The following SLC26A9 variants were observed in gnomAD, a reference collection of about 807,000 sequenced individuals.
SLC26A9 encodes solute carrier family 26 member 9.
A neutral mutation model predicts 87.1 loss-of-function variants in SLC26A9; 46 were observed. The ratio of observed to expected loss-of-function variants is 0.53; its 90% CI spans 0.42 to 0.67. SLC26A9 has a LOEUF of 0.67. Ranked by LOEUF, SLC26A9 falls within the 30% of genes least tolerant of loss-of-function variation. SLC26A9 has a pLI of 0.00. For synonymous variants in SLC26A9, 437 were observed against 409.1 expected, an observed-to-expected ratio of 1.07 and a Z score of -0.82; for missense variants, 927 against 1,018.3, an observed-to-expected ratio of 0.91 and a Z score of 1.22.
intron 20 of SLC26A9, among the ~76,000 whole-genome samples, chr1:205,916,244 G>A (rs1006764127): frequency 1.3e-5 from 2 of 152,142 alleles, no homozygotes; most frequent in African/African-American, 4.8e-5. Context: ...CTACAGGCAT[G>A]CACCACTACG....
Position 205,926,609 on chromosome 1 carries a change from C to T in SLC26A9, c.1315G>A (p.Ala439Thr), listed in dbSNP as rs574530028. Residue 439 changes from alanine (A) to threonine (T), a missense_variant, in exon 12 of 21, where the codon GCT becomes ACT. Ala to Thr is a moderately conservative substitution (Grantham distance 58, BLOSUM62 0). Coordinates refer to ENST00000367135, the MANE Select transcript of SLC26A9 (RefSeq NM_052934.4). ...TTGAGGGAGTTCTTGAGATTGACAG[C>T]GATCAGGGCTCCTAGCACAGACTAG... ...LPKSVLGALI[A>T]VNLKNSLKQL... 101 of 1,613,888 alleles carry T rather than the reference C, an allele frequency of 6.3e-5. No homozygotes were observed. Among genetic ancestry groups the T allele is most frequent in the East Asian group, 1.1e-4 (5 of 44,896 alleles).
intron 1 of SLC26A9, among the ~76,000 whole-genome samples, chr1:205,937,549 G>C (rs114150432): frequency 6.6e-6 from 1 of 152,218 alleles, no homozygotes; most frequent in East Asian, 1.9e-4. Context: ...TGAGGATTCA[G>C]TGAGATCATG....
At chr1:205,926,340 G>C (rs1198179535) in intron 12 of SLC26A9, among the ~76,000 whole-genome samples, 195 bp downstream of exon 12, 1 of 152,160 alleles carries the variant, frequency 6.6e-6, no homozygotes, top group East Asian at 1.9e-4. Flanking sequence ...ATTGGCCATG[G>C]AGCCAGCAGA....
At chr1:205,915,927 T>C (rs1302505028) in intron 20 of SLC26A9, among the ~76,000 whole-genome samples, 1 of 152,102 alleles carries the variant, frequency 6.6e-6, no homozygotes, top group Non-Finnish European at 1.5e-5. Flanking sequence ...GAGCTCAATG[T>C]CAAAAAGAAT....
intron 18 of SLC26A9, among the ~76,000 whole-genome samples, chr1:205,919,598 GTCTGTGTGCACTTGCTCCCACATCTCTGC>G (rs1658736809): frequency 6.6e-6 from 1 of 152,160 alleles, no homozygotes; most frequent in Non-Finnish European, 1.5e-5. Context: ...TCTCCTGTGT[GTCTGTGTGCACTTGCTCCCACATCTCTGC>G]ACTTTGCGTA....
At chr1:205,918,769 C>A (rs1658699383) in intron 19 of SLC26A9, 71 bp downstream of exon 19, 7 of 1,537,226 alleles carry the variant, frequency 4.6e-6, no homozygotes, top group Non-Finnish European at 6.2e-6. Context: ...TGTGTTCTTT[C>A]TAATAATGCC....
chr1:205,926,634 G>C lies in SLC26A9; in HGVS notation c.1294-4C>G. 6.2e-7 allele frequency: 1 copy of C among 1,613,712 alleles called. No homozygotes were observed. Among genetic ancestry groups the C allele is most frequent in the Non-Finnish European group, 8.5e-7 (1 of 1,179,678 alleles). ...CGATCAGGGCTCCTAGCACAGACTAGAGAAGCAGAACATTGCTCCAGGACC... is the reference window on the plus strand; with the variant it reads ...CGATCAGGGCTCCTAGCACAGACTACAGAAGCAGAACATTGCTCCAGGACC... On this transcript the variant is annotated splice_polypyrimidine_tract_variant and splice_region_variant and intron_variant, in intron 11 of 20. Coordinates refer to ENST00000367135, the MANE Select transcript of SLC26A9 (RefSeq NM_052934.4).
chr1:205,936,306 G>T (rs190712627), intron 1 of SLC26A9, among the ~76,000 whole-genome samples: 1 of 152,324 alleles, frequency 6.6e-6, no homozygotes, highest in East Asian at 1.9e-4. Context: ...AAAACAGCTT[G>T]CCTAGAGGCA....
At chr1:205,916,479 G>A (rs1406097420) in intron 20 of SLC26A9, among the ~76,000 whole-genome samples, 4 of 152,188 alleles carry the variant, frequency 2.6e-5, no homozygotes, top group South Asian at 2.1e-4. Context: ...CTACCATAAC[G>A]TAAGTTTCTA....
chr1:205,918,858 T>G lies in SLC26A9; in HGVS notation c.2238A>C (p.Pro746=), dbSNP rs1261486408. Residue 746 remains proline (P), a synonymous_variant, in exon 19 of 21, where the codon CCA becomes CCC. Transcript: ENST00000367135. ...FAQANARDVT[P]GHNFQGAPGD... ...ACCTTACCCCTTGGAAGTTGTGTCC[T>G]GGGGTCACGTCTCTAGCATTTGCCT... is the stretch of plus-strand genomic sequence containing the variant. 6.2e-7 allele frequency: 1 copy of G among 1,613,926 alleles called. No homozygotes were observed. Among genetic ancestry groups the G allele is most frequent in the Admixed American group, 1.7e-5 (1 of 60,026 alleles).
chr1:205,933,962 G>A (rs1478563946), intron 2 of SLC26A9, among the ~76,000 whole-genome samples: 1 of 152,180 alleles, frequency 6.6e-6, no homozygotes, highest in African/African-American at 2.4e-5. Context: ...CTGGAAGTGG[G>A]TGAGGGGCAT....
chr1:205,919,813 C>T (rs1373261564), intron 18 of SLC26A9, among the ~76,000 whole-genome samples: 1 of 152,112 alleles, frequency 6.6e-6, no homozygotes, highest in Non-Finnish European at 1.5e-5. Context: ...GGGAGAGGAT[C>T]CCCAAATCCA....
intron 1 of SLC26A9, among the ~76,000 whole-genome samples, chr1:205,940,800 G>C (rs1240660497): frequency 6.6e-6 from 1 of 152,184 alleles, no homozygotes; most frequent in Non-Finnish European, 1.5e-5. Context: ...TCCTCCCTCA[G>C]TCCTGTCGGG....
intron 1 of SLC26A9, among the ~76,000 whole-genome samples, chr1:205,936,064 T>C (rs1346929698): frequency 2.6e-5 from 4 of 152,314 alleles, no homozygotes; most frequent in Non-Finnish European, 5.9e-5. Context: ...CCTGGCTGTT[T>C]TGCTTGGCGC....
rs537718972 is a variant in SLC26A9 at position 205,913,219 on chromosome 1, A to G, written c.*2138T>C. ...ACATTCAAAAGCATTGAAATTCTGGATTATTTCACTACTTTGCCTCCATCT... is the reference window on the plus strand; with the variant it reads ...ACATTCAAAAGCATTGAAATTCTGGGTTATTTCACTACTTTGCCTCCATCT... On this transcript the variant is annotated 3_prime_UTR_variant, in exon 21 of 21. Transcript: ENST00000367135. 12 of 152,338 alleles carry G rather than the reference A, an allele frequency of 7.9e-5. No individual in the cohort carries two copies. The East Asian group carries it at 1.9e-3, about 24-fold the overall frequency. The allele number at this position is 152,338 out of a possible 1,614,324, so 9.4% of individuals were successfully genotyped here.
chr1:205,915,517 C>CGTGTGTGTGTGT, intron 20 of SLC26A9, 113 bp from the exon 21 acceptor site: 1 of 1,159,136 alleles, frequency 8.6e-7, no homozygotes, highest in African/African-American at 2.4e-5. Context: ...GAACAAAGCA[C>CGTGTGTGTGTGT]CTGTGTGTGT....
In SLC26A9 at chr1:205,923,087, T is replaced by C. The variant is rs1658908435; in HGVS notation, c.1768A>G (p.Thr590Ala). ...TQQRRSLFMK[T>A]KTVSLQELQQ... ...TGCTTCTGGCCTTCATTCACCTTGG[T>C]TTTCATGAATAGAGACCTCCTCTGT... is the stretch of plus-strand genomic sequence containing the variant. The change falls in exon 16 of 21, where the codon ACC becomes GCC. Residue 590 changes from threonine (T) to alanine (A), a missense_variant. By Grantham distance (58) the Thr-to-Ala change is moderately conservative. Coordinates refer to ENST00000367135, the MANE Select transcript of SLC26A9 (RefSeq NM_052934.4). The C allele has an allele frequency of 6.2e-7, 1 of 1,613,658 alleles. No homozygotes were observed. The highest frequency in any genetic ancestry group is 1.3e-5 in the African/African-American group (1 of 74,790).
chr1:205,919,639 A>G (rs1305904353), intron 18 of SLC26A9, among the ~76,000 whole-genome samples: 2 of 152,148 alleles, frequency 1.3e-5, no homozygotes, highest in Non-Finnish European at 1.5e-5. Flanking sequence ...CTTTGCGTAC[A>G]TGCTAGTCAT....
rs1571757130 is a variant in SLC26A9 at position 205,935,761 on chromosome 1, G to A, written c.60C>T (p.Phe20=). The A allele has an allele frequency of 1.9e-5, 31 of 1,613,892 alleles. No homozygotes were observed. Among genetic ancestry groups the A allele is most frequent in the Non-Finnish European group, 2.5e-5 (30 of 1,179,958 alleles). Residue 20 remains phenylalanine, a synonymous_variant, in exon 2 of 21, where the codon TTC becomes TTT. Coordinates refer to ENST00000367135, the MANE Select transcript of SLC26A9 (RefSeq NM_052934.4). ...GGTCCTTCTTCTCAAACTCATCGTC[G>A]AAGAGGGTAAGGGAGTATGCGGCTC... is the stretch of plus-strand genomic sequence containing the variant. ...VDRAAYSLTL[F]DDEFEKKDRT...
Sources: gnomAD v4.1 joint callset for allele counts (sites outside exome capture counted in the v4.1 genomes callset) on GRCh38, gnomAD v4.1.1 for gene constraint, MANE v1.5 for transcripts, NCBI Gene and HGNC (gene_info 2026-07-23, HGNC 2026-07-21) for gene names.